DYNC1LI1: variants seen among roughly 807,000 people sequenced by gnomAD.
The protein encoded by DYNC1LI1 is cytoplasmic dynein 1 light intermediate chain 1.
Under a neutral mutation model 63.8 loss-of-function variants are expected in DYNC1LI1, and 19 were observed. The ratio of observed to expected loss-of-function variants is 0.30; its 90% CI spans 0.21 to 0.44. The LOEUF is 0.44. Among genes scored for constraint, DYNC1LI1 ranks in the 20% least tolerant of loss-of-function variants. DYNC1LI1 has a pLI of 1.00. For missense variants in DYNC1LI1, 565 were observed against 630.2 expected (o/e 0.90, Z 1.11); for synonymous variants, 225 against 232.3 (o/e 0.97, Z 0.28).
chr3:32,548,720 A>G (rs1487511205), intron 2 of DYNC1LI1, among the ~76,000 whole-genome samples: 9 of 152,208 alleles, frequency 5.9e-5, no homozygotes, highest in Non-Finnish European at 2.9e-5. Flanking sequence ...TGCTGTACTG[A>G]AAAATGCCAA....
At chr3:32,537,890 T>TTATATATATAA (rs1381079830) in intron 5 of DYNC1LI1, among the ~76,000 whole-genome samples, 1 of 83,346 alleles carries the variant, frequency 1.2e-5, no homozygotes, top group Non-Finnish European at 2.1e-5. Flanking sequence ...TATATATAAT[T>TTATATATATAA]TATATATATA....
At chr3:32,561,065 A>C (rs2125445065) in intron 2 of DYNC1LI1, among the ~76,000 whole-genome samples, 1 of 151,320 alleles carries the variant, frequency 6.6e-6, no homozygotes, top group Non-Finnish European at 1.5e-5. Context: ...CACCAAAGAA[A>C]ACATTTAGTT....
At chr3:32,560,734 T>C (rs992856347) in intron 2 of DYNC1LI1, among the ~76,000 whole-genome samples, 7 of 151,912 alleles carry the variant, frequency 4.6e-5, no homozygotes, top group Admixed American at 1.3e-4. Flanking sequence ...CCGGGCACAG[T>C]GGCTCATGCC....
intron 12 of DYNC1LI1, among the ~76,000 whole-genome samples, chr3:32,528,112 CAAAAAAAAAAAAAAAAA>C (rs60912161): frequency 8.4e-4 from 25 of 29,898 alleles, no homozygotes; most frequent in South Asian, 1.6e-3. Context: ...GACTCCATCT[CAAAAAAAAAAAAAAAAA>C]AAAAAAAAAA....
At chr3:32,546,952 T>A (rs1559439652) in intron 2 of DYNC1LI1, among the ~76,000 whole-genome samples, 1 of 152,132 alleles carries the variant, frequency 6.6e-6, no homozygotes, top group Non-Finnish European at 1.5e-5. Context: ...GGTTTAAAAC[T>A]AGGCTAACTA....
rs10662666 is a variant in DYNC1LI1, at chr3:32,526,062, C to CATATAT, written c.*731_*736dup. 5.4e-4 allele frequency: 80 copies of CATATAT among 148,484 alleles called. No individual in the cohort carries two copies. Among genetic ancestry groups the CATATAT allele is most frequent in the African/African-American group, 1.8e-3 (72 of 40,586 alleles). 9.2% of individuals were successfully genotyped at this position (148,484 alleles called of 1,614,324 possible). ...AAAAGGGGGTATATTAAGGCAAAGC[C>CATATAT]ATATATATATATATATATGTATAGA... On this transcript the variant is annotated 3_prime_UTR_variant, in exon 13 of 13. Coordinates refer to ENST00000273130, the MANE Select transcript of DYNC1LI1 (RefSeq NM_016141.4).
Position 32,541,225 on chromosome 3 carries a change from A to G in DYNC1LI1, c.569-19T>C, listed in dbSNP as rs1306573669. 5.3e-6 allele frequency: 8 copies of G among 1,518,976 alleles called. No individual in the cohort carries two copies. Among genetic ancestry groups the G allele is most frequent in the Non-Finnish European group, 7.1e-6 (8 of 1,126,048 alleles). The allele number at this position is 1,518,976 out of a possible 1,614,324, so 94.1% of individuals were successfully genotyped here. On this transcript the variant is annotated intron_variant, in intron 4 of 12. Coordinates refer to ENST00000273130, the MANE Select transcript of DYNC1LI1 (RefSeq NM_016141.4). ...CTAATCACTGAAAATCAAAGTAAAC[A>G]CAATTTAGAAATTGCTTCATTTCAG...
chr3:32,529,262 C>A (rs939742582), intron 11 of DYNC1LI1, among the ~76,000 whole-genome samples: 6 of 152,072 alleles, frequency 3.9e-5, no homozygotes, highest in Non-Finnish European at 5.9e-5. Flanking sequence ...ATGTTAATTG[C>A]AGATTACTTA....
At chr3:32,542,596 C>T (rs1369851903) in intron 4 of DYNC1LI1, among the ~76,000 whole-genome samples, 2 of 151,970 alleles carry the variant, frequency 1.3e-5, no homozygotes, top group South Asian at 2.1e-4. Context: ...TTAGAAAAGA[C>T]GGGGTTTCAT....
rs375870313 is a variant in DYNC1LI1, at chr3:32,570,791, C to T, written c.-21G>A. 4.4e-6 allele frequency: 7 copies of T among 1,596,346 alleles called. No individual in the cohort carries two copies. The highest frequency in any genetic ancestry group is 5.1e-6 in the Non-Finnish European group (6 of 1,170,808). Reference sequence around the variant, plus strand: ...GCCATCTTGGTCGGGAATCACACCACTCCCGGCAAGACTAAATGTGCGAGG... The same window carrying T: ...GCCATCTTGGTCGGGAATCACACCATTCCCGGCAAGACTAAATGTGCGAGG... On this transcript the variant is annotated 5_prime_UTR_variant, in exon 1 of 13. It adds an upstream start codon to the 5' untranslated region. Coordinates refer to ENST00000273130, the MANE Select transcript of DYNC1LI1 (RefSeq NM_016141.4).
In DYNC1LI1 at chr3:32,545,083, T is replaced by A. The variant is rs1470763361; in HGVS notation, c.361A>T (p.Ile121Phe). The part of the protein sequence containing the change: ...RDDQTRCNVW[I>F]LDGDLYHKGL... ...TTGTGATATAGGTCTCCATCTAAGA[T>A]CCAAACATTACATCTTGTTTGATCT... Residue 121 changes from isoleucine to phenylalanine, a missense_variant, in exon 4 of 13, where the codon ATC becomes TTC. Transcript: ENST00000273130. The A allele has an allele frequency of 6.2e-7, 1 of 1,613,082 alleles. No homozygotes were observed. The highest frequency in any genetic ancestry group is 8.5e-7 in the Non-Finnish European group (1 of 1,179,134).
At chr3:32,545,199 A>T in intron 3 of DYNC1LI1, 93 bp from the exon 4 acceptor site, 4 of 793,606 alleles carry the variant, frequency 5.0e-6, no homozygotes, top group Non-Finnish European at 8.4e-6. Context: ...GTGCATCTCC[A>T]CAGGAGATGT....
chr3:32,540,531 A>T (rs1418269993), intron 5 of DYNC1LI1, among the ~76,000 whole-genome samples: 2 of 151,850 alleles, frequency 1.3e-5, no homozygotes, highest in Admixed American at 1.3e-4. Context: ...AATACAAAAA[A>T]TTAGGTGGGA....
At chr3:32,531,670 G>C (rs1023881667) in intron 8 of DYNC1LI1, 4 of 151,958 alleles carry the variant, frequency 2.6e-5, no homozygotes, top group Non-Finnish European at 4.4e-5. Flanking sequence ...TTTTTCATTT[G>C]ACCTTTTCTT....
At chr3:32,552,326 T>C (rs190414547) in intron 2 of DYNC1LI1, among the ~76,000 whole-genome samples, 4 of 152,290 alleles carry the variant, frequency 2.6e-5, no homozygotes, top group African/African-American at 7.2e-5. Flanking sequence ...TTATCTTTCT[T>C]CATTCATTCA....
In DYNC1LI1 at chr3:32,570,616, A is replaced by G. The variant is rs780017849; in HGVS notation, c.146+9T>C. On this transcript the variant is annotated intron_variant, in intron 1 of 12. Coordinates refer to ENST00000273130, the MANE Select transcript of DYNC1LI1 (RefSeq NM_016141.4). ...CCAGCGGGGGCTGAGGGAGAGGTGG[A>G]GTCGTTACCAAAGGTTCTGCCCGTC... The G allele has an allele frequency of 6.4e-7, 1 of 1,563,686 alleles. No homozygotes were observed. Among genetic ancestry groups the G allele is most frequent in the African/African-American group, 1.4e-5 (1 of 73,138 alleles).
chr3:32,562,848 ACT>A (rs1440844308), intron 2 of DYNC1LI1, among the ~76,000 whole-genome samples: 1 of 151,954 alleles, frequency 6.6e-6, no homozygotes, highest in South Asian at 2.1e-4. Context: ...AGGGAGGCTG[ACT>A]CTTAAGATCT....
At chr3:32,555,640 G>C (rs342729) in intron 2 of DYNC1LI1, among the ~76,000 whole-genome samples, 84,582 of 151,918 alleles carry the variant, frequency 0.56, 24,010 homozygotes, top group African/African-American at 0.65. Context: ...GTATATACCA[G>C]CCCCCAATCC....
chr3:32,558,290 G>A (rs937903982), intron 2 of DYNC1LI1, among the ~76,000 whole-genome samples: 7 of 151,450 alleles, frequency 4.6e-5, no homozygotes, highest in Non-Finnish European at 8.8e-5. Flanking sequence ...CTACATGCAG[G>A]TGCTAGACAA....
Sources: gnomAD v4.1 joint callset for allele counts (sites outside exome capture counted in the v4.1 genomes callset) on GRCh38, gnomAD v4.1.1 for gene constraint, MANE v1.5 for transcripts, NCBI Gene and HGNC (gene_info 2026-07-23, HGNC 2026-07-21) for gene names.